Variants in RPIA observed in about 807,000 individuals in gnomAD.
The protein encoded by RPIA is ribose 5-phosphate isomerase A.
In RPIA, 29 loss-of-function variants were observed where a neutral mutation model predicts 37.8. The ratio of observed to expected loss-of-function variants is 0.77; its 90% confidence interval spans 0.57 to 1.05. The LOEUF (loss-of-function observed/expected upper bound fraction) is 1.05, where lower values mean the gene tolerates loss of function less well. Ranked by LOEUF, RPIA falls within the 50% of genes least tolerant of loss-of-function variation. RPIA has a pLI of 0.00. For missense variants in RPIA, 385 were observed against 413.6 expected (o/e 0.93, Z 0.60); for synonymous variants, 167 against 157.0 (o/e 1.06, Z -0.48).
At chr2:88,703,677 C>T (rs1044386815) in intron 3 of RPIA, among the ~76,000 whole-genome samples, 2 of 152,188 alleles carry the variant, frequency 1.3e-5, no homozygotes, top group African/African-American at 4.8e-5. Context: ...GAGGGGCTTC[C>T]ATGAAGACCT....
At chr2:88,695,275 G>A (rs975198862) in intron 1 of RPIA, among the ~76,000 whole-genome samples, 4 of 152,226 alleles carry the variant, frequency 2.6e-5, no homozygotes, top group African/African-American at 9.6e-5. Flanking sequence ...CAAGTCAGAA[G>A]TTCTGGAGGC....
chr2:88,693,101 C>T (rs1011099696), intron 1 of RPIA, among the ~76,000 whole-genome samples: 4 of 152,146 alleles, frequency 2.6e-5, no homozygotes, highest in Non-Finnish European at 5.9e-5. Flanking sequence ...TTCAGTGCCT[C>T]CGTTGTAAAA....
rs1673307435 is a variant in RPIA at position 88,735,753 on chromosome 2, T to C, written c.596+16T>C. The C allele has an allele frequency of 6.2e-7, 1 of 1,613,010 alleles. No individual in the cohort carries two copies. The highest frequency in any genetic ancestry group is 8.5e-7 in the Non-Finnish European group (1 of 1,179,196). ...CTGATTTCAGGTACAGTTTCTGGTG[T>C]CTGAGCTGCCAACTGAGGAGGTAGA... On this transcript the variant is annotated intron_variant, in intron 6 of 8. Transcript: ENST00000283646.
At chr2:88,700,545 A>G (rs2365103) in intron 3 of RPIA, among the ~76,000 whole-genome samples, 119,133 of 152,100 alleles carry the variant, frequency 0.78, 47,184 homozygotes, top group East Asian at 0.98. Context: ...CCAACTATGT[A>G]GGAGGCTGAG....
intron 8 of RPIA, among the ~76,000 whole-genome samples, chr2:88,749,148 G>A (rs887868381): frequency 2.0e-5 from 3 of 152,206 alleles, no homozygotes; most frequent in Admixed American, 6.5e-5. Flanking sequence ...CCTAACAGTT[G>A]TATATCTAGG....
At chr2:88,717,137 C>T (rs1046948555) in intron 3 of RPIA, among the ~76,000 whole-genome samples, 4 of 151,996 alleles carry the variant, frequency 2.6e-5, no homozygotes, top group African/African-American at 4.8e-5. Context: ...ACAAAATAGG[C>T]GAGATAATTT....
chr2:88,706,455 G>A (rs1041472134), intron 3 of RPIA, among the ~76,000 whole-genome samples: 12 of 151,666 alleles, frequency 7.9e-5, no homozygotes, highest in Admixed American at 2.6e-4. Context: ...ACACAGGAAC[G>A]GAAAACCAAA....
chr2:88,740,120 A>G (rs1673364783), intron 8 of RPIA, among the ~76,000 whole-genome samples: 2 of 152,148 alleles, frequency 1.3e-5, no homozygotes, highest in South Asian at 2.1e-4. Flanking sequence ...TGATAATGCA[A>G]ACAAACCCAG....
intron 8 of RPIA, among the ~76,000 whole-genome samples, chr2:88,742,470 G>T (rs555487234): frequency 1.3e-5 from 2 of 152,286 alleles, no homozygotes; most frequent in East Asian, 3.9e-4. Context: ...GTAGTTTGAA[G>T]TCAGGTAATG....
chr2:88,719,545 A>T (rs1171610479), intron 3 of RPIA, among the ~76,000 whole-genome samples: 5 of 152,176 alleles, frequency 3.3e-5, no homozygotes, highest in Non-Finnish European at 5.9e-5. Flanking sequence ...CAAATATCAA[A>T]GGTTTAAAAC....
At chr2:88,749,486 T>A (rs1673476128) in intron 8 of RPIA, among the ~76,000 whole-genome samples, 1 of 152,222 alleles carries the variant, frequency 6.6e-6, no homozygotes, top group Admixed American at 6.5e-5. Context: ...TTGTTTATAT[T>A]TTTGATATGA....
At chr2:88,724,776 G>C (rs1673176486) in intron 3 of RPIA, among the ~76,000 whole-genome samples, 1 of 152,134 alleles carries the variant, frequency 6.6e-6, no homozygotes, top group Non-Finnish European at 1.5e-5. Context: ...AAAGAAGAAG[G>C]TAAAGTACCT....
chr2:88,709,452 T>C (rs748650891), intron 3 of RPIA, among the ~76,000 whole-genome samples: 2 of 152,222 alleles, frequency 1.3e-5, no homozygotes, highest in Admixed American at 6.5e-5. Context: ...TGGATTATGT[T>C]TAGGACAAAC....
chr2:88,724,085 G>C (rs1277931069), intron 3 of RPIA, among the ~76,000 whole-genome samples: 1 of 152,118 alleles, frequency 6.6e-6, no homozygotes, highest in Non-Finnish European at 1.5e-5. Flanking sequence ...TTCCCACCTT[G>C]ATTGATTTTG....
intron 3 of RPIA, among the ~76,000 whole-genome samples, chr2:88,714,346 A>ATTTCTAGTAGAGACAGTG (rs1369509497): frequency 6.6e-6 from 1 of 151,804 alleles, no homozygotes; most frequent in African/African-American, 2.4e-5. Flanking sequence ...ATTTTTTTGT[A>ATTTCTAGTAGAGACAGTG]TTTCTAGTAG....
intron 3 of RPIA, among the ~76,000 whole-genome samples, chr2:88,701,246 A>G (rs1457615373): frequency 4.3e-5 from 6 of 139,914 alleles, no homozygotes; most frequent in Non-Finnish European, 7.7e-5. Context: ...AGTGTTTTAT[A>G]TAGCTTTTTT....
At chr2:88,736,149 C>A (rs1290860741) in intron 6 of RPIA, among the ~76,000 whole-genome samples, 2 of 152,206 alleles carry the variant, frequency 1.3e-5, no homozygotes, top group Non-Finnish European at 2.9e-5. Context: ...CCGCAGGTGA[C>A]TGGTGTCATT....
chr2:88,750,201 G>A lies in RPIA; in HGVS notation c.*123G>A. 2 of 681,522 alleles carry A rather than the reference G, an allele frequency of 2.9e-6. No individual in the cohort carries two copies. The highest frequency in any genetic ancestry group is 1.5e-5 in the South Asian group (1 of 66,234). The allele number at this position is 681,522 out of a possible 1,614,324, so 42.2% of individuals were successfully genotyped here. ...GGACAACTTGTGGTGGGGGGTGGGG[G>A]GAAGAGTGGGAGGGGGAGTTAAATC... On this transcript the variant is annotated 3_prime_UTR_variant, in exon 9 of 9. Coordinates refer to ENST00000283646, the MANE Select transcript of RPIA (RefSeq NM_144563.3).
intron 8 of RPIA, among the ~76,000 whole-genome samples, chr2:88,739,139 G>C (rs1442001958): frequency 6.6e-6 from 1 of 152,164 alleles, no homozygotes; most frequent in African/African-American, 2.4e-5. Flanking sequence ...CGTACAGGGG[G>C]ATTAAAAGGA....
Sources: gnomAD v4.1 joint callset for allele counts (sites outside exome capture counted in the v4.1 genomes callset) on GRCh38, gnomAD v4.1.1 for gene constraint, MANE v1.5 for transcripts, NCBI Gene and HGNC (gene_info 2026-07-23, HGNC 2026-07-21) for gene names.